HAAO: variants seen among roughly 807,000 people sequenced by gnomAD.
HAAO encodes the protein 3-hydroxyanthranilate oxygenase.
A neutral mutation model predicts 46.2 loss-of-function variants in HAAO; 49 were observed. The ratio of observed to expected loss-of-function variants is 1.06; its 90% CI spans 0.84 to 1.34. HAAO has a LOEUF of 1.34. HAAO is among the 40% of genes most tolerant of loss of function. HAAO has a pLI of 0.00. For synonymous variants in HAAO, 157 were observed against 145.2 expected (o/e 1.08, Z -0.58); for missense variants, 408 against 364.5 (o/e 1.12, Z -0.97).
At chr2:42,788,461 C>T (rs957706111) in intron 2 of HAAO, 68 bp downstream of exon 2, 6 of 972,048 alleles carry the variant, frequency 6.2e-6, no homozygotes, top group South Asian at 2.6e-5. Context: ...GAGTGGGAAG[C>T]GCCCCCTCCC....
intron 1 of HAAO, among the ~76,000 whole-genome samples, chr2:42,789,550 CA>C (rs1258515562): frequency 6.9e-6 from 1 of 144,844 alleles, no homozygotes; most frequent in Non-Finnish European, 1.5e-5. Context: ...GCCTGGGTAA[CA>C]GGGGGAGACT....
chr2:42,788,047 C>T (rs1439937877), intron 2 of HAAO, among the ~76,000 whole-genome samples: 1 of 152,108 alleles, frequency 6.6e-6, no homozygotes, highest in Non-Finnish European at 1.5e-5. Context: ...CCATGCCTAC[C>T]CCTCAGCCAC....
At chr2:42,781,805 C>T (rs143863469) in intron 4 of HAAO, among the ~76,000 whole-genome samples, 5,251 of 151,912 alleles carry the variant, frequency 0.035, 143 homozygotes, top group Non-Finnish European at 0.052. Context: ...ACCCAGGGGG[C>T]GGAGGTTGCA....
chr2:42,777,303 C>CAAAAAAAAAA (rs1215772853), intron 4 of HAAO, among the ~76,000 whole-genome samples: 40 of 40,030 alleles, frequency 1.0e-3, no homozygotes, highest in African/African-American at 2.1e-3. Context: ...ACTCTTATCG[C>CAAAAAAAAAA]AAAAAAAAAA....
rs200935764 is a variant in HAAO at position 42,769,763 on chromosome 2, G to A, written c.580C>T (p.Leu194=). ...DAWLDSHHRE[L]QAGTPLSLFG... is the part of the protein sequence containing the mutation. ...AGGCTGAGTGGTGTGCCTGCCTGCA[G>A]CTCCCTGTGGTGGCTGTCCAGCCAG... Residue 194 remains leucine (L), a synonymous_variant, in exon 7 of 10, where the codon CTG becomes TTG. Transcript: ENST00000294973. 15 of 1,614,012 alleles carry A rather than the reference G, an allele frequency of 9.3e-6. No individual in the cohort carries two copies. The Admixed American group carries it at 1.5e-4, about 16-fold the overall frequency.
chr2:42,786,812 C>T (rs1573953595), intron 2 of HAAO, among the ~76,000 whole-genome samples: 1 of 152,304 alleles, frequency 6.6e-6, no homozygotes, highest in Non-Finnish European at 1.5e-5. Flanking sequence ...AGAGGCAGAG[C>T]TCAGTGAGGA....
At chr2:42,780,970 A>C (rs55983270) in intron 4 of HAAO, among the ~76,000 whole-genome samples, 55,894 of 149,778 alleles carry the variant, frequency 0.37, 11,536 homozygotes, top group African/African-American at 0.52. Context: ...CCAGCTACTC[A>C]GGAGGCTGAG....
intron 7 of HAAO, among the ~76,000 whole-genome samples, chr2:42,769,288 A>C (rs1388160672): frequency 1.3e-5 from 2 of 152,174 alleles, no homozygotes; most frequent in African/African-American, 4.8e-5. Flanking sequence ...GCCTTGTTTG[A>C]ATCCCTCTCT....
At chr2:42,769,592 TGTGTGTGTGTGTGA>T in intron 7 of HAAO, 107 bp downstream of exon 7, 3 of 682,778 alleles carry the variant, frequency 4.4e-6, no homozygotes, top group African/African-American at 2.5e-5. Flanking sequence ...TGTGTGTGTG[TGTGTGTGTGTGTGA>T]GTGTGTGTGT....
chr2:42,792,409 G>A lies in HAAO; in HGVS notation c.80+48C>T, dbSNP rs202183911. On this transcript the variant is annotated intron_variant, in intron 1 of 9. Transcript: ENST00000294973. ...GGAAGGTGAGGGCGCAGATGGAGGA[G>A]GGGGAGGAGGCGAGGGCAGGGGGCG... is the stretch of plus-strand genomic sequence containing the variant. 1.2e-3 allele frequency: 1,317 copies of A among 1,068,458 alleles called. 3 individuals carry two copies. Among genetic ancestry groups the A allele is most frequent in the Non-Finnish European group, 1.5e-3 (1,053 of 724,710 alleles). The allele number at this position is 1,068,458 out of a possible 1,614,324, so 66.2% of individuals were successfully genotyped here. A position where few individuals can be genotyped will look rare whatever the true frequency, so the allele number is the denominator to read the frequency against.
chr2:42,769,680 G>A, intron 7 of HAAO, 33 bp downstream of exon 7: 2 of 1,572,240 alleles, frequency 1.3e-6, no homozygotes, highest in South Asian at 2.4e-5. Context: ...GCTGCTGTGG[G>A]AGGATGCCCC....
At chr2:42,779,609 C>T (rs878891679) in intron 4 of HAAO, among the ~76,000 whole-genome samples, 4 of 152,148 alleles carry the variant, frequency 2.6e-5, no homozygotes, top group South Asian at 4.1e-4. Flanking sequence ...CGTGAGCCAC[C>T]GCGCCCAGCT....
chr2:42,771,713 G>T (rs1478146267), intron 4 of HAAO, among the ~76,000 whole-genome samples: 4 of 152,260 alleles, frequency 2.6e-5, no homozygotes, highest in Non-Finnish European at 5.9e-5. Flanking sequence ...TGCTGCACAT[G>T]GTGGGTGCCA....
At chr2:42,790,933 A>G (rs1672750160) in intron 1 of HAAO, among the ~76,000 whole-genome samples, 1 of 152,322 alleles carries the variant, frequency 6.6e-6, no homozygotes, top group East Asian at 1.9e-4. Flanking sequence ...CCCATCAGTC[A>G]GAATGCATAA....
At chr2:42,779,738 A>G (rs188554643) in intron 4 of HAAO, among the ~76,000 whole-genome samples, 1 of 152,296 alleles carries the variant, frequency 6.6e-6, no homozygotes, top group Non-Finnish European at 1.5e-5. Flanking sequence ...ATGATCCTAT[A>G]TTGTGATATC....
At chr2:42,783,564 G>A (rs750636076) in intron 3 of HAAO, 144 bp from the exon 4 acceptor site, 81 of 678,554 alleles carry the variant, frequency 1.2e-4, no homozygotes, top group Non-Finnish European at 2.0e-4. Context: ...TCTCTGCCCA[G>A]CCTCTACACC....
At chr2:42,769,271 A>C (rs1463047539) in intron 7 of HAAO, among the ~76,000 whole-genome samples, 3 of 152,236 alleles carry the variant, frequency 2.0e-5, no homozygotes, top group Non-Finnish European at 4.4e-5. Context: ...GGAATGAAAG[A>C]AAGTCAGCCT....
At chr2:42,776,095 C>T (rs904845125) in intron 4 of HAAO, among the ~76,000 whole-genome samples, 1 of 151,616 alleles carries the variant, frequency 6.6e-6, no homozygotes, top group African/African-American at 2.4e-5. Flanking sequence ...TTTTGGAGAC[C>T]CAGGATTCGG....
chr2:42,768,048 C>T lies in HAAO; in HGVS notation c.631-120G>A, dbSNP rs1670805128. 3 of 813,844 alleles carry T rather than the reference C, an allele frequency of 3.7e-6. No homozygotes were observed. The African/African-American group carries it at 5.0e-5, about 14-fold the overall frequency. The allele number at this position is 813,844 out of a possible 1,614,324, so 50.4% of individuals were successfully genotyped here. A position where few individuals can be genotyped will look rare whatever the true frequency, so the allele number is the denominator to read the frequency against. Reference sequence around the variant, plus strand: ...AGGGTTGGGGCCCATGAAACAGCCCCATCACCATGTGCTGAGCAGAGACCA... The same window carrying T: ...AGGGTTGGGGCCCATGAAACAGCCCTATCACCATGTGCTGAGCAGAGACCA... On this transcript the variant is annotated intron_variant, in intron 7 of 9. Transcript: ENST00000294973.
Sources: allele counts gnomAD v4.1 joint callset (sites outside exome capture counted in the v4.1 genomes callset), GRCh38; gene constraint gnomAD v4.1.1; transcripts MANE v1.5; gene names NCBI Gene and HGNC (gene_info 2026-07-23, HGNC 2026-07-21).